Variants in SF3B1 observed in about 807,000 individuals in gnomAD.
The protein encoded by SF3B1 is pre-mRNA processing 10.
A neutral mutation model predicts 153.8 loss-of-function variants in SF3B1; 12 were observed. The ratio of observed to expected loss-of-function variants is 0.08; its 90% CI spans 0.05 to 0.13. The LOEUF (loss-of-function observed/expected upper bound fraction) is 0.13, where lower values mean the gene tolerates loss of function less well. SF3B1 is among the 10% of genes least tolerant of loss of function. The probability of loss-of-function intolerance (pLI) is 1.00; values close to 1 mark genes in which losing one functional copy is unlikely to be tolerated. For missense variants in SF3B1, 513 were observed against 1,606.1 expected (o/e 0.32, Z 11.63); for synonymous variants, 498 against 525.2 (o/e 0.95, Z 0.71).
rs373544838 is a variant in SF3B1 at position 197,417,153 on chromosome 2, T to C, written c.496-242A>G. ...ATTCGTAACATAGCACACTGTAGTT[T>C]ATATACTGGAGGTGAAGTAAAATCT... On this transcript the variant is annotated intron_variant, in intron 5 of 24. Transcript: ENST00000335508. Among the ~76,000 whole-genome samples, 185 of 152,334 alleles carry C rather than the reference T, an allele frequency of 1.2e-3. 5 individuals carry two copies. The South Asian group carries it at 0.03, about 25-fold the overall frequency.
intron 1 of SF3B1, among the ~76,000 whole-genome samples, chr2:197,433,608 T>C (rs1487739762): frequency 6.6e-6 from 1 of 152,242 alleles, no homozygotes; most frequent in Non-Finnish European, 1.5e-5. Flanking sequence ...ATACTAATAT[T>C]AAAGTCATTG....
chr2:197,419,983 T>C (rs1412195170), intron 4 of SF3B1: 5 of 225,352 alleles, frequency 2.2e-5, no homozygotes, highest in Non-Finnish European at 4.4e-5. Flanking sequence ...TAGAGCAAAG[T>C]AGGTGCCTTT....
At chr2:197,427,068 A>T (rs1028806494) in intron 1 of SF3B1, among the ~76,000 whole-genome samples, 5 of 152,184 alleles carry the variant, frequency 3.3e-5, no homozygotes, top group Non-Finnish European at 7.3e-5. Flanking sequence ...TATTGATTTT[A>T]TGTACCTGCT....
At chr2:197,397,540 A>T (rs1016093054) in intron 22 of SF3B1, among the ~76,000 whole-genome samples, 4 of 152,220 alleles carry the variant, frequency 2.6e-5, no homozygotes, top group Non-Finnish European at 5.9e-5. Flanking sequence ...TCACGCCTGT[A>T]ATCTCAGCAC....
chr2:197,421,093 T>C lies in SF3B1; in HGVS notation c.236A>G (p.Gln79Arg). The C allele has an allele frequency of 6.2e-7, 1 of 1,613,582 alleles. No individual in the cohort carries two copies. The highest frequency in any genetic ancestry group is 8.5e-7 in the Non-Finnish European group (1 of 1,179,734). Residue 79 changes from glutamine (Q) to arginine (R), a missense_variant, in exon 3 of 25, where the codon CAG (glutamine) becomes CGG (arginine). Gln to Arg is a conservative substitution (Grantham distance 43). Coordinates refer to ENST00000335508, the MANE Select transcript of SF3B1 (RefSeq NM_012433.4). ...AGGGGCATGATATCCTGGCTTCTTC[T>C]GACCAAGCAAACTCGTAGATGATGA... ...DYSSSTSLLGQKKPGYHAPVA... is the reference protein window; with the variant it reads ...DYSSSTSLLGRKKPGYHAPVA...
At position 197,405,583 on chromosome 2, in the gene SF3B1, G is replaced by A. The variant is rs991670354; in HGVS notation, c.1240-111C>T. 1.9e-5 allele frequency: 14 copies of A among 718,986 alleles called. No individual in the cohort carries two copies. In the African/African-American group the frequency reaches 2.5e-4, roughly 13 times the overall value. The allele number at this position is 718,986 out of a possible 1,614,324, so 44.5% of individuals were successfully genotyped here. A position where few individuals can be genotyped will look rare whatever the true frequency, so the allele number is the denominator to read the frequency against. ...TTATTAGCTAATAAGGTTTTTATTT[G>A]CTTGGAGACAACATCTATCTTGCTT... On this transcript the variant is annotated intron_variant, in intron 9 of 24. Coordinates refer to ENST00000335508, the MANE Select transcript of SF3B1 (RefSeq NM_012433.4).
At position 197,393,226 on chromosome 2, in the gene SF3B1, C is replaced by T. The variant is rs772476497; in HGVS notation, c.3540-38G>A. ...GGAAAAAAGTCCTTTAAGATGCGGT[C>T]TTATAAGAAAGGGGGAAAAATCCTT... is the stretch of plus-strand genomic sequence containing the variant. On this transcript the variant is annotated intron_variant, in intron 23 of 24. Transcript: ENST00000335508. 19 of 1,386,068 alleles carry T rather than the reference C, an allele frequency of 1.4e-5. No homozygotes were observed. In the South Asian group the frequency reaches 2.2e-4, roughly 16 times the overall value. 85.9% of individuals were successfully genotyped at this position (1,386,068 alleles called of 1,614,324 possible). A position where few individuals can be genotyped will look rare whatever the true frequency, so the allele number is the denominator to read the frequency against.
chr2:197,425,272 C>A (rs934894663), intron 1 of SF3B1, among the ~76,000 whole-genome samples: 5 of 152,146 alleles, frequency 3.3e-5, no homozygotes, highest in African/African-American at 1.2e-4. Context: ...TCAAGACCAG[C>A]CTGGCCAATG....
In SF3B1 at chr2:197,409,173, G is replaced by T. The variant is rs1273845494; in HGVS notation, c.905-592C>A. Among the ~76,000 whole-genome samples, 3 of 152,180 alleles carry T rather than the reference G, an allele frequency of 2.0e-5. No individual in the cohort carries two copies. The East Asian group carries it at 5.8e-4, about 29-fold the overall frequency. On this transcript the variant is annotated intron_variant, in intron 7 of 24. Coordinates refer to ENST00000335508, the MANE Select transcript of SF3B1 (RefSeq NM_012433.4). Reference sequence around the variant, plus strand: ...CCAGCATTTCAGAAGGCCGAGGGGGGCAGATCATCTGAGGTCGGGAGTTCG... The same window carrying T: ...CCAGCATTTCAGAAGGCCGAGGGGGTCAGATCATCTGAGGTCGGGAGTTCG...
chr2:197,433,111 C>T lies in SF3B1; in HGVS notation c.28+1861G>A, dbSNP rs2085466993. 1.3e-5 allele frequency among the ~76,000 whole-genome samples: 2 copies of T among 152,178 alleles called. 1 individual carries two copies. Among genetic ancestry groups the T allele is most frequent in the South Asian group, 4.1e-4 (2 of 4,832 alleles). On this transcript the variant is annotated intron_variant, in intron 1 of 24. Transcript: ENST00000335508. ...GAAAACAGTGATGGACCATGAAGAACTAGAGTTCCATTAGGAAGGAAGCAA... is the reference window on the plus strand; with the variant it reads ...GAAAACAGTGATGGACCATGAAGAATTAGAGTTCCATTAGGAAGGAAGCAA...
intron 5 of SF3B1, 87 bp downstream of exon 5, chr2:197,418,422 T>C: frequency 1.0e-6 from 1 of 978,840 alleles, no homozygotes; most frequent in East Asian, 2.5e-5. Flanking sequence ...GTGCAGCAAA[T>C]AGCAAAAAAG....
rs778467242 is a variant in SF3B1, at chr2:197,402,647, G to C, written c.1986C>G (p.His662Gln). 5 of 1,613,880 alleles carry C rather than the reference G, an allele frequency of 3.1e-6. No individual in the cohort carries two copies. Among genetic ancestry groups the C allele is most frequent in the Admixed American group, 1.7e-5 (1 of 59,996 alleles). ...TCTGTTGTACAATCTTAATACCAGT[G>C]TGTCTCGCTTGCCAGGACTTCTTGC... The part of the protein sequence containing the change: ...CKSKKSWQAR[H>Q]TGIKIVQQIA... Residue 662 changes from histidine (H) to glutamine (Q), a missense_variant, in exon 14 of 25, where the codon CAC becomes CAG. This residue lies in a region of SF3B1 where 13 missense variants were observed against 16.1 expected (regional missense o/e 0.81). Coordinates refer to ENST00000335508, the MANE Select transcript of SF3B1 (RefSeq NM_012433.4). This position sits in a 1 kb window ranked among gnomAD's most constrained non-coding sequence, Gnocchi z 4.6.
intron 6 of SF3B1, among the ~76,000 whole-genome samples, chr2:197,414,856 T>A (rs2085124016): frequency 6.6e-6 from 1 of 151,914 alleles, no homozygotes; most frequent in South Asian, 2.1e-4. Context: ...AATAAAAAAC[T>A]AGCCAGGCAT....
chr2:197,411,566 G>A (rs1179655417), intron 6 of SF3B1, among the ~76,000 whole-genome samples: 2 of 151,980 alleles, frequency 1.3e-5, no homozygotes, highest in African/African-American at 2.4e-5. Flanking sequence ...CAGCTACTCG[G>A]GAGGCTGAGG....
rs147879907 is a variant in SF3B1 at position 197,416,841 on chromosome 2, G to A, written c.566C>T (p.Ala189Val). The A allele has an allele frequency of 6.2e-6, 10 of 1,613,792 alleles. No homozygotes were observed. The highest frequency in any genetic ancestry group is 2.2e-5 in the South Asian group (2 of 91,076). Reference protein sequence around the residue: ...GELKVVNGAAASQPPSKRKRR... With the variant: ...GELKVVNGAAVSQPPSKRKRR... ...TTTTCGTTTTGATGGAGGCTGGGAC[G>A]CTGCTGCTCCATTGACGACTTTTAG... Residue 189 changes from alanine (A) to valine (V), a missense_variant, in exon 6 of 25, where the codon GCG becomes GTG. This residue lies in a region of SF3B1 where 45 missense variants were observed against 65.5 expected (regional missense o/e 0.69). Transcript: ENST00000335508.
intron 6 of SF3B1, among the ~76,000 whole-genome samples, chr2:197,410,568 T>TGATCTTGGCTCAC (rs1200498347): frequency 6.9e-6 from 1 of 144,020 alleles, no homozygotes; most frequent in East Asian, 2.1e-4. Flanking sequence ...TGCCGGGGCA[T>TGATCTTGGCTCAC]GATCTTGGCT....
intron 9 of SF3B1, among the ~76,000 whole-genome samples, chr2:197,405,910 A>C (rs2084986120): frequency 6.6e-6 from 1 of 152,126 alleles, no homozygotes; most frequent in Non-Finnish European, 1.5e-5. Flanking sequence ...TGTCACATAA[A>C]TTCTTGCACT....
In SF3B1 at chr2:197,402,513, C is replaced by G. The variant is rs1224361997; in HGVS notation, c.2077+43G>C. The G allele has an allele frequency of 3.2e-6, 5 of 1,563,464 alleles. No individual in the cohort carries two copies. The highest frequency in any genetic ancestry group is 4.4e-6 in the Non-Finnish European group (5 of 1,146,146). On this transcript the variant is annotated intron_variant, in intron 14 of 24. Coordinates refer to ENST00000335508, the MANE Select transcript of SF3B1 (RefSeq NM_012433.4). This position sits in a 1 kb window ranked among gnomAD's most constrained non-coding sequence, Gnocchi z 4.6. ...TGGGCAACATAGTAAGACCCTGTCT[C>G]CTAAAGAAAAAAAAAAAAAGACAAA...
intron 1 of SF3B1, among the ~76,000 whole-genome samples, chr2:197,433,382 G>A (rs2085471854): frequency 6.6e-6 from 1 of 152,190 alleles, no homozygotes; most frequent in African/African-American, 2.4e-5. Context: ...TGATTTTCCT[G>A]TCTGAGGGCA....
Sources: allele counts gnomAD v4.1 joint callset (sites outside exome capture counted in the v4.1 genomes callset), GRCh38; gene constraint gnomAD v4.1.1; regional missense constraint gnomAD v4.1.1; non-coding constraint Gnocchi (gnomAD v3.1); transcripts MANE v1.5; gene names NCBI Gene and HGNC (gene_info 2026-07-23, HGNC 2026-07-21).